DMD: variants seen among roughly 807,000 people sequenced by gnomAD.
DMD encodes mutant dystrophin.
DMD carries 63 observed loss-of-function variants against 330.1 expected under a neutral mutation model. The ratio of observed to expected loss-of-function variants is 0.19; its 90% CI spans 0.16 to 0.24. DMD has a LOEUF of 0.24. Ranked by LOEUF, DMD falls within the 10% of genes least tolerant of loss-of-function variation. DMD has a pLI of 1.00. For missense variants in DMD, 3,344 were observed against 2,684.1 expected (o/e 1.25, Z -5.43); for synonymous variants, 1,223 against 959.8 (o/e 1.27, Z -5.07).
At chrX:32,524,224 G>A (rs750587285) in intron 17 of DMD, among the ~76,000 whole-genome samples, 3 of 111,525 alleles carry the variant, frequency 2.7e-5, no homozygotes, top group East Asian at 2.8e-4. Context: ...GTGAGCCACC[G>A]CGCCCGGCCC....
At chrX:31,641,867 C>T (rs760345717) in intron 54 of DMD, among the ~76,000 whole-genome samples, 1 of 111,446 alleles carries the variant, frequency 9.0e-6, no homozygotes, top group East Asian at 2.8e-4. Context: ...TGTATAATAT[C>T]ATTTAAGTGG....
In DMD at chrX:31,451,100, T is replaced by G. The variant is rs757711375; in HGVS notation, c.8938-6473A>C. 9.6e-3 allele frequency among the ~76,000 whole-genome samples: 1,002 copies of G among 104,801 alleles called. 10 individuals are homozygous for G. The highest frequency in any genetic ancestry group is 0.029 in the African/African-American group (804 of 28,192). 91.0% of individuals were successfully genotyped at this position (104,801 alleles called of 115,157 possible). A position where few individuals can be genotyped will look rare whatever the true frequency, so the allele number is the denominator to read the frequency against. On this transcript the variant is annotated intron_variant, in intron 59 of 78. Coordinates refer to ENST00000357033, the MANE Select transcript of DMD (RefSeq NM_004006.3). ...CAGTTGTCAAGCACTTATATTTTGT[T>G]TTTTTTTTTTTTTCAGGAGACTTTT...
chrX:32,419,593 A>G (rs2098181366), intron 29 of DMD, among the ~76,000 whole-genome samples: 1 of 112,249 alleles, frequency 8.9e-6, no homozygotes, highest in Non-Finnish European at 1.9e-5. Context: ...TATTCACGAA[A>G]GGCTTCTAGA....
chrX:32,727,799 T>C (rs1210480320), intron 7 of DMD, among the ~76,000 whole-genome samples: 1 of 108,357 alleles, frequency 9.2e-6, no homozygotes, highest in Non-Finnish European at 1.9e-5. Flanking sequence ...TATATTCCAA[T>C]TCACTTTTAT....
intron 44 of DMD, among the ~76,000 whole-genome samples, chrX:32,063,013 A>T (rs1009617296): frequency 9.0e-6 from 1 of 111,274 alleles, no homozygotes; most frequent in African/African-American, 3.2e-5. Flanking sequence ...GCTTGAGATA[A>T]TGTTTTAATA....
intron 60 of DMD, among the ~76,000 whole-genome samples, chrX:31,442,545 T>TA (rs5901985): frequency 0.018 from 1,867 of 101,900 alleles, 26 homozygotes; most frequent in East Asian, 0.074. Context: ...TAGCATTGAT[T>TA]AAAAAAAAAA....
At chrX:32,191,268 T>G (rs1248016973) in intron 44 of DMD, among the ~76,000 whole-genome samples, 5 of 111,990 alleles carry the variant, frequency 4.5e-5, no homozygotes, top group Non-Finnish European at 9.4e-5. Context: ...GTAACAGTCC[T>G]TCAAACATTT....
intron 2 of DMD, among the ~76,000 whole-genome samples, chrX:32,977,585 CTG>C (rs1199342642): frequency 5.4e-5 from 6 of 111,238 alleles, no homozygotes; most frequent in Non-Finnish European, 1.1e-4. Context: ...TGCAGCTTTT[CTG>C]TGTATAATAG....
intron 50 of DMD, among the ~76,000 whole-genome samples, chrX:31,815,478 G>T (rs919325185): frequency 3.7e-5 from 4 of 108,288 alleles, no homozygotes; most frequent in Non-Finnish European, 7.7e-5. Flanking sequence ...AGAGATGCAG[G>T]TCTCACCCCA....
At chrX:31,130,698 C>T (rs2034368586) in intron 77 of DMD, among the ~76,000 whole-genome samples, 1 of 111,838 alleles carries the variant, frequency 8.9e-6, no homozygotes, top group African/African-American at 3.2e-5. Flanking sequence ...GATTAGAAGC[C>T]TAACTTAACC....
chrX:31,441,089 T>C lies in DMD; in HGVS notation c.9084+3392A>G, dbSNP rs182559929. ...ATATCAAGTAGACACGGCCTGATAG[T>C]ATGTAACTCTAATCTTTCTATTATA... is the stretch of plus-strand genomic sequence containing the variant. On this transcript the variant is annotated intron_variant, in intron 60 of 78. Coordinates refer to ENST00000357033, the MANE Select transcript of DMD (RefSeq NM_004006.3). Among the ~76,000 whole-genome samples, 5 of 112,707 alleles carry C rather than the reference T, an allele frequency of 4.4e-5. No homozygotes were observed. In the East Asian group the frequency reaches 1.4e-3, roughly 31 times the overall value.
chrX:31,582,007 G>C (rs2076363880), intron 55 of DMD, among the ~76,000 whole-genome samples: 1 of 111,591 alleles, frequency 9.0e-6, no homozygotes, highest in Admixed American at 9.6e-5. Context: ...CTGTAAATGT[G>C]ATTATTAAAC....
chrX:32,599,386 A>G (rs2055927636), intron 12 of DMD, among the ~76,000 whole-genome samples: 1 of 111,888 alleles, frequency 8.9e-6, no homozygotes, highest in Non-Finnish European at 1.9e-5. Context: ...TGGGGTAAAG[A>G]ATGCCTGCCT....
At chrX:31,929,456 G>T in intron 47 of DMD, 140 bp downstream of exon 47, 1 of 706,731 alleles carries the variant, frequency 1.4e-6, no homozygotes, top group South Asian at 2.3e-5. Flanking sequence ...CAAAGCAAAC[G>T]GTCAGGTTAA....
At chrX:33,278,115 G>A (rs1257359068) in intron 1 of DMD, among the ~76,000 whole-genome samples, 10 of 111,271 alleles carry the variant, frequency 9.0e-5, no homozygotes, top group African/African-American at 3.3e-4. Context: ...AAACAAACAA[G>A]CAAGCAAAAA....
chrX:33,049,593 CT>C (rs1254099264), intron 1 of DMD, among the ~76,000 whole-genome samples: 7 of 108,849 alleles, frequency 6.4e-5, no homozygotes, highest in Admixed American at 9.9e-5. Context: ...CATAGACTGC[CT>C]TTTTTTTTGC....
rs767175119 is a variant in DMD, at chrX:31,362,899, G to A, written c.9085-14265C>T. Among the ~76,000 whole-genome samples, 14 of 112,670 alleles carry A rather than the reference G, an allele frequency of 1.2e-4. No homozygotes were observed. In the East Asian group the frequency reaches 2.2e-3, roughly 18 times the overall value. ...CCGGAGGCGGAGCTTGCAGTGAGCC[G>A]AGATCGTGCCACTGCACTCCAGCCT... On this transcript the variant is annotated intron_variant, in intron 60 of 78. Transcript: ENST00000357033.
At chrX:33,146,847 G>A (rs187878708) in intron 1 of DMD, among the ~76,000 whole-genome samples, 1 of 109,781 alleles carries the variant, frequency 9.1e-6, no homozygotes, top group Non-Finnish European at 1.9e-5. Flanking sequence ...TTTTTGAGAC[G>A]AGTCTTGCTC....
rs57706460 is a variant in DMD at position 31,664,529 on chromosome X, C to CTT, written c.7873-6387_7873-6386dup. Among the ~76,000 whole-genome samples, 424 of 63,728 alleles carry CTT rather than the reference C, an allele frequency of 6.7e-3. 38 individuals are homozygous for CTT. Among genetic ancestry groups the CTT allele is most frequent in the African/African-American group, 0.027 (392 of 14,574 alleles). 55.3% of individuals were successfully genotyped at this position (63,728 alleles called of 115,157 possible). A position where few individuals can be genotyped will look rare whatever the true frequency, so the allele number is the denominator to read the frequency against. On this transcript the variant is annotated intron_variant, in intron 53 of 78. Transcript: ENST00000357033. The stretch of plus-strand genomic sequence containing the variant: ...CCTCTGTATTCTCTGAGTGTTCAAG[C>CTT]TTTTTTTTTTTTTTTTTTGCCTGTC...
Sources: allele counts gnomAD v4.1 joint callset (sites outside exome capture counted in the v4.1 genomes callset), GRCh38; gene constraint gnomAD v4.1.1; transcripts MANE v1.5; gene names NCBI Gene and HGNC (gene_info 2026-07-23, HGNC 2026-07-21).